SCN8A: variants seen among roughly 807,000 people sequenced by gnomAD.
The protein encoded by SCN8A is sodium channel protein type 8 subunit alpha.
Under a neutral mutation model 184.1 loss-of-function variants are expected in SCN8A, and 30 were observed. The observed-to-expected ratio is 0.16, with a 90% confidence interval of 0.12 to 0.22. The LOEUF is 0.22. SCN8A is among the 10% of genes least tolerant of loss of function. SCN8A has a pLI of 1.00. For synonymous variants in SCN8A, 852 were observed against 907.0 expected, an observed-to-expected ratio of 0.94 and a Z score of 1.09; for missense variants, 1,057 against 2,498.9, an observed-to-expected ratio of 0.42 and a Z score of 12.30.
intron 2 of SCN8A, among the ~76,000 whole-genome samples, chr12:51,683,832 A>G (rs768013894): frequency 6.6e-6 from 1 of 152,222 alleles, no homozygotes; most frequent in African/African-American, 2.4e-5. Context: ...TGTCCAGTCA[A>G]TATTTGTTGA....
chr12:51,722,613 A>G (rs1235034632), intron 12 of SCN8A: 1 of 152,336 alleles, frequency 6.6e-6, no homozygotes, highest in Non-Finnish European at 1.5e-5. Flanking sequence ...AAAGAGGCCA[A>G]TAGGAAACTG....
At chr12:51,781,257 G>C (rs1937912183) in intron 21 of SCN8A, among the ~76,000 whole-genome samples, 1 of 152,146 alleles carries the variant, frequency 6.6e-6, no homozygotes, top group South Asian at 2.1e-4. Context: ...CCTGGAATTG[G>C]GGATGGAGCA....
chr12:51,598,620 ATGT>A (rs1208759504), intron 1 of SCN8A, among the ~76,000 whole-genome samples: 2 of 152,144 alleles, frequency 1.3e-5, no homozygotes, highest in East Asian at 3.8e-4. Context: ...TTGTCTTGAA[ATGT>A]TTGTTTGAAT....
chr12:51,650,230 A>C (rs1940678789), intron 1 of SCN8A, among the ~76,000 whole-genome samples: 1 of 152,184 alleles, frequency 6.6e-6, no homozygotes, highest in African/African-American at 2.4e-5. Context: ...ACAAGTCTCT[A>C]GGAAGCTCCA....
intron 26 of SCN8A, among the ~76,000 whole-genome samples, chr12:51,805,696 C>T (rs982654739): frequency 1.3e-5 from 2 of 152,082 alleles, no homozygotes. Context: ...AGTTCAAGAC[C>T]AGCCTGGGCA....
rs186180005 is a variant in SCN8A at position 51,686,240 on chromosome 12, T to C, written c.396-128T>C. 5.2e-4 allele frequency: 352 copies of C among 674,220 alleles called. 1 individual carries two copies. Among genetic ancestry groups the C allele is most frequent in the Admixed American group, 1.8e-3 (67 of 37,266 alleles). The allele number at this position is 674,220 out of a possible 1,614,324, so 41.8% of individuals were successfully genotyped here. ...ACAGTTTTCATTGTCACCTTGCATT[T>C]TTCTCTTCTGTGCTTCATCTCCTTT... On this transcript the variant is annotated intron_variant, in intron 3 of 26. Coordinates refer to ENST00000627620, the MANE Select transcript of SCN8A (RefSeq NM_001330260.2).
At chr12:51,682,248 GCTGT>G (rs764319203) in intron 2 of SCN8A, among the ~76,000 whole-genome samples, 2 of 152,102 alleles carry the variant, frequency 1.3e-5, no homozygotes, top group Admixed American at 6.5e-5. Flanking sequence ...TTTTGTTGAG[GCTGT>G]CTGTGTCTAT....
intron 14 of SCN8A, among the ~76,000 whole-genome samples, chr12:51,759,637 G>C (rs1338586169): frequency 6.6e-6 from 1 of 152,182 alleles, no homozygotes; most frequent in African/African-American, 2.4e-5. Context: ...GAAAAGAGCG[G>C]ACCATGTGCT....
intron 1 of SCN8A, among the ~76,000 whole-genome samples, chr12:51,632,464 C>A (rs1260205092): frequency 6.6e-6 from 1 of 152,130 alleles, no homozygotes; most frequent in Non-Finnish European, 1.5e-5. Flanking sequence ...TCCCTTGTGG[C>A]TGTACTCTTA....
rs960926390 is a variant in SCN8A, at chr12:51,721,724, T to C, written c.1814T>C (p.Ile605Thr). ...EGRRDSLFIP[I>T]RARERRSSYS... ...CGCCGGGACTCCCTCTTCATCCCCA[T>C]CCGGGCCCGCGAGCGCCGGAGCAGC... The change falls in exon 12 of 27, where the codon ATC becomes ACC. Residue 605 changes from isoleucine to threonine, a missense_variant. Physicochemically the swap from Ile to Thr is moderately conservative, Grantham distance 89 (BLOSUM62 -1). This residue lies in a region of SCN8A where 322 missense variants were observed against 390.1 expected (regional missense o/e 0.83). Coordinates refer to ENST00000627620, the MANE Select transcript of SCN8A (RefSeq NM_001330260.2). The C allele has an allele frequency of 2.5e-6, 4 of 1,594,110 alleles. No individual in the cohort carries two copies. The highest frequency in any genetic ancestry group is 2.7e-5 in the African/African-American group (2 of 74,488).
chr12:51,647,436 G>A (rs1407976814), intron 1 of SCN8A, among the ~76,000 whole-genome samples: 2 of 152,150 alleles, frequency 1.3e-5, no homozygotes, highest in African/African-American at 4.8e-5. Context: ...GGTAAATTGG[G>A]TGGAGTGAGA....
rs551111757 is a variant in SCN8A at position 51,593,046 on chromosome 12, C to T, written c.-55+1687C>T. Among the ~76,000 whole-genome samples the T allele has an allele frequency of 3.3e-5, 5 of 152,246 alleles. No homozygotes were observed. In the East Asian group the frequency reaches 9.6e-4, roughly 29 times the overall value. Reference sequence around the variant, plus strand: ...TGGTAGGAATCTTGGGGGAATCAGACTTAAAATGCTGAAAGCTTTATAGCA... The same window carrying T: ...TGGTAGGAATCTTGGGGGAATCAGATTTAAAATGCTGAAAGCTTTATAGCA... On this transcript the variant is annotated intron_variant, in intron 1 of 26. Coordinates refer to ENST00000627620, the MANE Select transcript of SCN8A (RefSeq NM_001330260.2).
chr12:51,694,683 T>G (rs1349392121), intron 6 of SCN8A, among the ~76,000 whole-genome samples: 1 of 152,206 alleles, frequency 6.6e-6, no homozygotes, highest in Non-Finnish European at 1.5e-5. Flanking sequence ...AGTCAGTATC[T>G]TGCTTGTTCT....
intron 1 of SCN8A, among the ~76,000 whole-genome samples, chr12:51,592,917 G>A (rs1411377624): frequency 6.6e-6 from 1 of 151,992 alleles, no homozygotes; most frequent in Non-Finnish European, 1.5e-5. Context: ...TGCATTAGAA[G>A]ATGTGGAGGG....
At chr12:51,805,321 G>A (rs1314391783) in intron 26 of SCN8A, among the ~76,000 whole-genome samples, 4 of 152,074 alleles carry the variant, frequency 2.6e-5, no homozygotes, top group African/African-American at 9.7e-5. Flanking sequence ...GTTCACACCC[G>A]TAATCCCAGC....
rs561564679 is a variant in SCN8A, at chr12:51,688,439, C to T, written c.615-566C>T. Among the ~76,000 whole-genome samples the T allele has an allele frequency of 2.0e-5, 3 of 152,306 alleles. No homozygotes were observed. In the East Asian group the frequency reaches 5.8e-4, roughly 29 times the overall value. On this transcript the variant is annotated intron_variant, in intron 5 of 26. Transcript: ENST00000627620. ...AGAAATTGTTCGCAAAACCTGGGAA[C>T]ATAAGTCTTTGATACCTCCTGGCCT...
At chr12:51,695,296 A>G (rs1941574656) in intron 6 of SCN8A, among the ~76,000 whole-genome samples, 1 of 152,230 alleles carries the variant, frequency 6.6e-6, no homozygotes, top group Non-Finnish European at 1.5e-5. Context: ...CACCAATGAG[A>G]TGATCTAAGC....
At chr12:51,755,359 C>T (rs1942657757) in intron 14 of SCN8A, among the ~76,000 whole-genome samples, 1 of 152,212 alleles carries the variant, frequency 6.6e-6, no homozygotes, top group Admixed American at 6.5e-5. Context: ...AGTGGAAATT[C>T]CTTCAAGCTG....
rs1480154535 is a variant in SCN8A at position 51,702,908 on chromosome 12, T to C, written c.1128T>C (p.Tyr376=). The C allele has an allele frequency of 6.3e-7, 1 of 1,597,294 alleles. No homozygotes were observed. The highest frequency in any genetic ancestry group is 1.1e-5 in the South Asian group (1 of 88,070). ...CCCAGGACTATTGGGAAAACTTGTA[T>C]CAATTGGTGAGTAATACCTCTTTTC... ...LMTQDYWENL[Y]QLTLRAAGKT... is the part of the protein sequence containing the mutation. Residue 376 remains tyrosine, a synonymous_variant, in exon 9 of 27, where the codon TAT becomes TAC. Coordinates refer to ENST00000627620, the MANE Select transcript of SCN8A (RefSeq NM_001330260.2).
Sources: gnomAD v4.1 joint callset for allele counts (sites outside exome capture counted in the v4.1 genomes callset) on GRCh38, gnomAD v4.1.1 for gene constraint, gnomAD v4.1.1 regional missense constraint, MANE v1.5 for transcripts, NCBI Gene and HGNC (gene_info 2026-07-23, HGNC 2026-07-21) for gene names.